The following DNAH14 variants were observed in gnomAD, a reference collection of about 807,000 sequenced individuals.
DNAH14 encodes the protein axonemal beta dynein heavy chain 14.
In DNAH14, 478 loss-of-function variants were observed where a neutral mutation model predicts 520.9. The ratio of observed to expected loss-of-function variants is 0.92; its 90% CI spans 0.85 to 0.99. The LOEUF is 0.99. DNAH14 is among the 50% of genes least tolerant of loss of function. The pLI is 0.00. For missense variants in DNAH14, 4,831 were observed against 5,234.5 expected (o/e 0.92, Z 2.38); for synonymous variants, 1,581 against 1,757.2 (o/e 0.90, Z 2.51).
Position 225,073,693 on chromosome 1 carries a change from G to GT in DNAH14, c.2425-5508dup, listed in dbSNP as rs373166680. Among the ~76,000 whole-genome samples, 761 of 151,988 alleles carry GT rather than the reference G, an allele frequency of 5.0e-3. 6 individuals are homozygous for GT. The highest frequency in any genetic ancestry group is 0.017 in the African/African-American group (718 of 41,442). On this transcript the variant is annotated intron_variant, in intron 17 of 85. Coordinates refer to ENST00000682510, the MANE Select transcript of DNAH14 (RefSeq NM_001367479.1). ...GTTGTTGTTGTTTGTTTTTGTTTTT[G>GT]TTTTTTGTTTTTTGACAGAGTCTTG...
rs2081336639 is a variant in DNAH14 at position 225,159,486 on chromosome 1, G to A, written c.5445+1G>A. ...GAAAGTAAATCAACTTGCCTTGGAG[G>A]TAAAAAGACCTTTGAAAATCATCAC... On this transcript the variant is annotated splice_donor_variant, in intron 35 of 85. Transcript: ENST00000682510. LOFTEE classifies it high-confidence loss of function. 6.6e-7 allele frequency: 1 copy of A among 1,510,788 alleles called. No homozygotes were observed. Among genetic ancestry groups the A allele is most frequent in the Non-Finnish European group, 8.8e-7 (1 of 1,130,688 alleles). 93.6% of individuals were successfully genotyped at this position (1,510,788 alleles called of 1,614,324 possible).
chr1:225,329,286 A>G (rs555200934), intron 64 of DNAH14, among the ~76,000 whole-genome samples: 247 of 152,334 alleles, frequency 1.6e-3, no homozygotes, highest in African/African-American at 5.5e-3. Context: ...GCCAAGGTAC[A>G]AAGGATGTGA....
intron 34 of DNAH14, among the ~76,000 whole-genome samples, chr1:225,156,710 T>TTTTG (rs1491529016): frequency 7.3e-5 from 2 of 27,216 alleles, no homozygotes; most frequent in Admixed American, 6.7e-4. Context: ...CTTAAAATTC[T>TTTTG]TTTTTTTTTT....
chr1:225,242,472 G>A (rs1258021380), intron 43 of DNAH14, among the ~76,000 whole-genome samples: 1 of 151,528 alleles, frequency 6.6e-6, no homozygotes, highest in African/African-American at 2.4e-5. Context: ...CATTAGCCTA[G>A]GCCTACGTGG....
At chr1:225,244,947 T>C (rs2092192743) in intron 43 of DNAH14, among the ~76,000 whole-genome samples, 1 of 152,232 alleles carries the variant, frequency 6.6e-6, no homozygotes, top group Non-Finnish European at 1.5e-5. Flanking sequence ...TGTTAGGGTG[T>C]CGATTTTAGA....
chr1:225,207,447 G>A (rs541440852), intron 41 of DNAH14, among the ~76,000 whole-genome samples: 1 of 152,216 alleles, frequency 6.6e-6, no homozygotes, highest in Admixed American at 6.5e-5. Flanking sequence ...AAAAATGATT[G>A]TAAAGAACCA....
In DNAH14 at chr1:225,251,375, T is replaced by C. The variant is rs373394466; in HGVS notation, c.6749-926T>C. Among the ~76,000 whole-genome samples, 32 of 152,246 alleles carry C rather than the reference T, an allele frequency of 2.1e-4. No homozygotes were observed. In the South Asian group the frequency reaches 6.4e-3, roughly 31 times the overall value. On this transcript the variant is annotated intron_variant, in intron 43 of 85. Transcript: ENST00000682510. ...TTTTAGTAGAGACGGGGTTGCACCATGTTGGCCAGGCTGGTCTCAAACTCC... is the reference window on the plus strand; with the variant it reads ...TTTTAGTAGAGACGGGGTTGCACCACGTTGGCCAGGCTGGTCTCAAACTCC...
chr1:225,243,075 T>G (rs1482443412), intron 43 of DNAH14, among the ~76,000 whole-genome samples: 1 of 152,222 alleles, frequency 6.6e-6, no homozygotes, highest in African/African-American at 2.4e-5. Flanking sequence ...GCGTGTTAAT[T>G]TGTTGTTGAA....
intron 1 of DNAH14, among the ~76,000 whole-genome samples, chr1:224,943,088 C>A (rs1012611946): frequency 5.3e-5 from 8 of 152,192 alleles, no homozygotes; most frequent in Non-Finnish European, 1.0e-4. Flanking sequence ...GGTACCAGCT[C>A]TTCCTTGTAC....
intron 46 of DNAH14, among the ~76,000 whole-genome samples, chr1:225,260,235 C>G (rs144665295): frequency 0.043 from 6,531 of 152,002 alleles, 204 homozygotes; most frequent in Middle Eastern, 0.065. Flanking sequence ...GCCTGTAATC[C>G]CAGCTACTCG....
chr1:225,272,444 C>T (rs2093339510), intron 51 of DNAH14, among the ~76,000 whole-genome samples: 1 of 152,148 alleles, frequency 6.6e-6, no homozygotes, highest in Non-Finnish European at 1.5e-5. Flanking sequence ...GCCAACAGTG[C>T]TGACTTAGTT....
chr1:225,097,923 G>A (rs964451404), intron 22 of DNAH14, among the ~76,000 whole-genome samples: 4 of 152,182 alleles, frequency 2.6e-5, no homozygotes, highest in African/African-American at 9.6e-5. Flanking sequence ...CTTAGGCTGA[G>A]TGTGGTGGCT....
intron 23 of DNAH14, among the ~76,000 whole-genome samples, chr1:225,108,987 T>C (rs2076291615): frequency 6.6e-6 from 1 of 152,192 alleles, no homozygotes; most frequent in Non-Finnish European, 1.5e-5. Flanking sequence ...TTTTCCAATG[T>C]ATGTTCTTGG....
chr1:225,217,662 G>A (rs950357652), intron 41 of DNAH14, among the ~76,000 whole-genome samples: 1 of 152,180 alleles, frequency 6.6e-6, no homozygotes, highest in Non-Finnish European at 1.5e-5. Flanking sequence ...TGCTGTGCTG[G>A]CATTGTGTGA....
At chr1:224,988,895 C>T (rs944079426) in intron 8 of DNAH14, among the ~76,000 whole-genome samples, 4 of 152,156 alleles carry the variant, frequency 2.6e-5, no homozygotes, top group Admixed American at 2.0e-4. Flanking sequence ...CCTCAGCCTT[C>T]CATTAATGGG....
chr1:225,202,632 A>C (rs12406388), intron 38 of DNAH14, among the ~76,000 whole-genome samples: 19,423 of 152,184 alleles, frequency 0.13, 1,393 homozygotes, highest in East Asian at 0.31. Context: ...TGCAAAAGCA[A>C]GTAGGGCTTT....
At chr1:225,155,999 T>A (rs1040825780) in intron 34 of DNAH14, among the ~76,000 whole-genome samples, 1 of 152,126 alleles carries the variant, frequency 6.6e-6, no homozygotes, top group Non-Finnish European at 1.5e-5. Flanking sequence ...ACCAAAATAA[T>A]AATTATTGTT....
intron 8 of DNAH14, among the ~76,000 whole-genome samples, chr1:224,997,062 G>T (rs1351712708): frequency 6.6e-6 from 1 of 152,136 alleles, no homozygotes; most frequent in Non-Finnish European, 1.5e-5. Context: ...GCTAGGATTT[G>T]TGAGGGAGCT....
At chr1:225,236,311 T>C (rs1266547800) in intron 42 of DNAH14, among the ~76,000 whole-genome samples, 4 of 152,246 alleles carry the variant, frequency 2.6e-5, no homozygotes, top group Non-Finnish European at 4.4e-5. Flanking sequence ...AGCACGTTGT[T>C]CAATTTACAG....
Sources: allele counts gnomAD v4.1 joint callset (sites outside exome capture counted in the v4.1 genomes callset), GRCh38; gene constraint gnomAD v4.1.1; transcripts MANE v1.5; gene names NCBI Gene and HGNC (gene_info 2026-07-23, HGNC 2026-07-21).